ATL3: variants seen among roughly 807,000 people sequenced by gnomAD.
ATL3 encodes the protein atlastin-3.
Under a neutral mutation model 69.5 loss-of-function variants are expected in ATL3, and 49 were observed. That is an observed-to-expected ratio of 0.71 (90% CI 0.56 to 0.89). The LOEUF (loss-of-function observed/expected upper bound fraction) is 0.89. ATL3 is among the 40% of genes least tolerant of loss of function. The pLI is 0.00. For missense variants in ATL3, 606 were observed against 645.7 expected (o/e 0.94, Z 0.67); for synonymous variants, 214 against 224.1 (o/e 0.95, Z 0.40).
At chr11:63,654,829 T>A (rs1450190778) in intron 3 of ATL3, among the ~76,000 whole-genome samples, 4 of 151,298 alleles carry the variant, frequency 2.6e-5, no homozygotes, top group African/African-American at 7.3e-5. Flanking sequence ...CCTGAGTAGC[T>A]GGGATTACAG....
chr11:63,652,020 G>A (rs1940094395), intron 4 of ATL3, 34 bp from the exon 5 acceptor site: 1 of 1,582,256 alleles, frequency 6.3e-7, no homozygotes, highest in Non-Finnish European at 8.5e-7. Context: ...ATACTACTCT[G>A]GCTTACTTCA....
chr11:63,633,938 G>T (rs1939417063), intron 10 of ATL3, among the ~76,000 whole-genome samples: 1 of 150,962 alleles, frequency 6.6e-6, no homozygotes, highest in Admixed American at 6.6e-5. Context: ...AGGAGGCTGA[G>T]GCAGGAGAAC....
rs1397384906 is a variant in ATL3, at chr11:63,627,311, T to C, written c.*2008A>G. On this transcript the variant is annotated 3_prime_UTR_variant, in exon 13 of 13. Coordinates refer to ENST00000398868, the MANE Select transcript of ATL3 (RefSeq NM_015459.5). Reference sequence around the variant, plus strand: ...TTTCAAGTTAACAGTCAAAGCTTGGTTGGCATCACTGATAAATGCAAGTAA... The same window carrying C: ...TTTCAAGTTAACAGTCAAAGCTTGGCTGGCATCACTGATAAATGCAAGTAA... The C allele has an allele frequency of 6.6e-6, 1 of 152,216 alleles. No individual in the cohort carries two copies. The highest frequency in any genetic ancestry group is 1.5e-5 in the Non-Finnish European group (1 of 68,036). 9.4% of individuals were successfully genotyped at this position (152,216 alleles called of 1,614,324 possible).
At chr11:63,671,857 C>T (rs1043322726), upstream of ATL3, 4 of 594,056 alleles carry the variant, frequency 6.7e-6, no homozygotes, top group Non-Finnish European at 9.3e-6. Context: ...GACCAGGCCC[C>T]AGGCCGAGGC....
At chr11:63,629,687 A>G (rs1291284583) in intron 12 of ATL3, among the ~76,000 whole-genome samples, 1 of 152,188 alleles carries the variant, frequency 6.6e-6, no homozygotes, top group Non-Finnish European at 1.5e-5. Flanking sequence ...CAAATGTATC[A>G]TCTCAAAGAT....
At chr11:63,660,088 G>GA (rs1940376397) in intron 1 of ATL3, among the ~76,000 whole-genome samples, 1 of 147,274 alleles carries the variant, frequency 6.8e-6, no homozygotes, top group South Asian at 2.2e-4. Context: ...CTGTCTCAAA[G>GA]AAAAAAAGTA....
chr11:63,661,854 A>C (rs976138392), intron 1 of ATL3, among the ~76,000 whole-genome samples: 1 of 151,114 alleles, frequency 6.6e-6, no homozygotes, highest in Non-Finnish European at 1.5e-5. Context: ...GCACCACTGC[A>C]CTCCAGCCTG....
intron 11 of ATL3, chr11:63,632,128 AT>A (rs369118685): frequency 5.4e-4 from 189 of 350,156 alleles, no homozygotes; most frequent in South Asian, 8.0e-4. Flanking sequence ...ACATGCTTTA[AT>A]TTTTTTTTTC....
Position 63,631,162 on chromosome 11 carries a change from A to AC in ATL3, c.1416dup (p.Phe473ValfsTer26), listed in dbSNP as rs1939302445. On this transcript the variant is annotated frameshift_variant, in exon 12 of 13. Transcript: ENST00000398868. LOFTEE classifies it high-confidence loss of function. ...AACAGTAGTCCAACCATACAGTTGA[A>AC]CAACTGGGCTACAACCTCAAGACCT... 6.2e-7 allele frequency: 1 copy of AC among 1,614,090 alleles called. No homozygotes were observed. Among genetic ancestry groups the AC allele is most frequent in the Admixed American group, 1.7e-5 (1 of 59,996 alleles).
At chr11:63,634,084 C>T (rs1326215143) in intron 10 of ATL3, among the ~76,000 whole-genome samples, 3 of 146,820 alleles carry the variant, frequency 2.0e-5, no homozygotes, top group African/African-American at 5.1e-5. Flanking sequence ...TGGTGGCTTA[C>T]GCCTGTAATC....
rs1262593938 is a variant in ATL3 at position 63,628,192 on chromosome 11, C to T, written c.*1127G>A. ...CAAGGCACAAGTTCAAGTGACTTAT[C>T]AGAGGTCACATGGTTCATTTAAACT... On this transcript the variant is annotated 3_prime_UTR_variant, in exon 13 of 13. Coordinates refer to ENST00000398868, the MANE Select transcript of ATL3 (RefSeq NM_015459.5). 7.2e-5 allele frequency: 11 copies of T among 152,078 alleles called. No individual in the cohort carries two copies. The East Asian group carries it at 2.1e-3, about 29-fold the overall frequency. 9.4% of individuals were successfully genotyped at this position (152,078 alleles called of 1,614,324 possible).
chr11:63,653,427 T>C (rs1468974435), intron 3 of ATL3, among the ~76,000 whole-genome samples: 1 of 151,592 alleles, frequency 6.6e-6, no homozygotes, highest in Non-Finnish European at 1.5e-5. Context: ...ACCACACTAC[T>C]GTACTCCAGC....
chr11:63,671,684 G>C (rs1355755162), upstream of ATL3: 2 of 1,334,116 alleles, frequency 1.5e-6, no homozygotes, highest in Admixed American at 4.8e-5. Context: ...TTGTAGTCCC[G>C]CGCTCACTGG....
chr11:63,657,716 A>C (rs1940299866), intron 3 of ATL3, among the ~76,000 whole-genome samples: 1 of 152,218 alleles, frequency 6.6e-6, no homozygotes, highest in South Asian at 2.1e-4. Flanking sequence ...TAAATCATTC[A>C]CTTTGATAAA....
chr11:63,651,423 C>A (rs971052141), intron 5 of ATL3, among the ~76,000 whole-genome samples: 2 of 151,750 alleles, frequency 1.3e-5, no homozygotes, highest in Admixed American at 6.6e-5. Flanking sequence ...AAAAAAAAGT[C>A]TATTCTGAAC....
At chr11:63,651,252 T>C (rs1237049123) in intron 5 of ATL3, among the ~76,000 whole-genome samples, 1 of 151,940 alleles carries the variant, frequency 6.6e-6, no homozygotes, top group African/African-American at 2.4e-5. Context: ...GTCAACAATT[T>C]GAGACCAGCC....
chr11:63,632,000 G>A (rs11231542), intron 11 of ATL3, among the ~76,000 whole-genome samples: 43,958 of 151,974 alleles, frequency 0.29, 8,261 homozygotes, highest in East Asian at 0.8. Flanking sequence ...AAAAGCAAAC[G>A]GTCGACTTCT....
intron 12 of ATL3, 90 bp from the exon 13 acceptor site, chr11:63,629,495 C>A: frequency 9.2e-7 from 1 of 1,082,198 alleles, no homozygotes. Flanking sequence ...AAACCTGTCT[C>A]CATCATCGGC....
intron 1 of ATL3, among the ~76,000 whole-genome samples, chr11:63,663,445 C>CT (rs1940482863): frequency 6.6e-6 from 1 of 152,126 alleles, no homozygotes; most frequent in Non-Finnish European, 1.5e-5. Context: ...CTTCTTCCTA[C>CT]TTTTTAAGTT....
Sources: allele counts gnomAD v4.1 joint callset (sites outside exome capture counted in the v4.1 genomes callset), GRCh38; gene constraint gnomAD v4.1.1; transcripts MANE v1.5; gene names NCBI Gene and HGNC (gene_info 2026-07-23, HGNC 2026-07-21).